The following LRBA variants were observed in gnomAD, a reference collection of about 807,000 sequenced individuals.
The protein encoded by LRBA is lipopolysaccharide-responsive and beige-like anchor protein.
Under a neutral mutation model 330.0 loss-of-function variants are expected in LRBA, and 176 were observed. The observed-to-expected ratio is 0.53, with a 90% CI of 0.47 to 0.60. LRBA has a LOEUF of 0.60. LRBA is among the 20% of genes least tolerant of loss of function. The probability of loss-of-function intolerance (pLI) is 0.00; values close to 1 mark genes in which losing one functional copy is unlikely to be tolerated. For missense variants in LRBA, 3,259 were observed against 3,444.8 expected (o/e 0.95, Z 1.35); for synonymous variants, 1,230 against 1,193.0 (o/e 1.03, Z -0.64).
intron 37 of LRBA, among the ~76,000 whole-genome samples, chr4:150,625,795 C>A (rs566911443): frequency 3.8e-4 from 58 of 151,738 alleles, no homozygotes; most frequent in African/African-American, 1.4e-3. Context: ...CTGCAACCTC[C>A]ACCTCCCGGG....
chr4:150,334,542 G>GCATA (rs991894867), intron 48 of LRBA, among the ~76,000 whole-genome samples: 1 of 151,856 alleles, frequency 6.6e-6, no homozygotes, highest in African/African-American at 2.4e-5. Context: ...TGTGTTATGT[G>GCATA]CATACATACA....
At chr4:150,289,598 A>G (rs1057027622) in intron 53 of LRBA, among the ~76,000 whole-genome samples, 9 of 152,194 alleles carry the variant, frequency 5.9e-5, no homozygotes, top group African/African-American at 2.2e-4. Flanking sequence ...AATGTACATT[A>G]CTGGCCTCTA....
intron 47 of LRBA, among the ~76,000 whole-genome samples, chr4:150,393,512 G>A (rs1228944883): frequency 1.3e-5 from 2 of 150,710 alleles, no homozygotes; most frequent in Non-Finnish European, 3.0e-5. Flanking sequence ...TAGAGACAGG[G>A]TCTCCCTCTG....
chr4:150,786,938 A>G (rs1001492764), intron 34 of LRBA, among the ~76,000 whole-genome samples: 1 of 152,210 alleles, frequency 6.6e-6, no homozygotes, highest in Non-Finnish European at 1.5e-5. Context: ...CTGTTAAAAA[A>G]TACTCAGATT....
At chr4:150,330,441 C>A (rs184605006) in intron 48 of LRBA, among the ~76,000 whole-genome samples, 1 of 152,282 alleles carries the variant, frequency 6.6e-6, no homozygotes, top group African/African-American at 2.4e-5. Context: ...CTATAAGGCA[C>A]TGGTCCCCAA....
chr4:150,398,872 C>G (rs1745102178), intron 47 of LRBA, among the ~76,000 whole-genome samples: 1 of 152,200 alleles, frequency 6.6e-6, no homozygotes, highest in African/African-American at 2.4e-5. Context: ...AAGCAATCCT[C>G]TGCTTTAGCC....
At chr4:150,759,535 T>A (rs1734781016) in intron 35 of LRBA, among the ~76,000 whole-genome samples, 1 of 152,132 alleles carries the variant, frequency 6.6e-6, no homozygotes, top group Admixed American at 6.6e-5. Context: ...ACTTTCTCAA[T>A]GAGTCCTAAT....
intron 2 of LRBA, among the ~76,000 whole-genome samples, chr4:151,006,017 A>G (rs1158757689): frequency 6.6e-6 from 1 of 152,242 alleles, no homozygotes; most frequent in African/African-American, 2.4e-5. Context: ...GGAAATATGC[A>G]TCAAGGTTTT....
chr4:150,870,592 C>G lies in LRBA; in HGVS notation c.2382G>C (p.Gln794His), dbSNP rs1753306039. 5.1e-6 allele frequency: 8 copies of G among 1,556,782 alleles called. No individual in the cohort carries two copies. The highest frequency in any genetic ancestry group is 7.1e-6 in the Non-Finnish European group (8 of 1,128,678). The change falls in exon 20 of 57, where the codon CAG becomes CAC. Residue 794 changes from glutamine to histidine, a missense_variant. Physicochemically the swap from Gln to His is conservative, Grantham distance 24. Coordinates refer to ENST00000651943, the MANE Select transcript of LRBA (RefSeq NM_001364905.1). ...GTTTATGTATCACCTGAGTACCAAT[C>G]TGTTCTATAAGAATCTACAGAAGTA... is the stretch of plus-strand genomic sequence containing the variant. ...YNVLFEILIE[Q>H]IGTQVIHKQH...
chr4:150,536,478 G>C (rs1365871129), intron 40 of LRBA, among the ~76,000 whole-genome samples: 1 of 152,016 alleles, frequency 6.6e-6, no homozygotes, highest in Non-Finnish European at 1.5e-5. Context: ...GTCGATTTTG[G>C]GGCACAAAGG....
intron 37 of LRBA, among the ~76,000 whole-genome samples, chr4:150,667,300 C>T (rs1447483802): frequency 2.0e-5 from 3 of 151,994 alleles, no homozygotes; most frequent in African/African-American, 4.8e-5. Flanking sequence ...CTTCGTTGGG[C>T]ATGTAATCAT....
intron 37 of LRBA, among the ~76,000 whole-genome samples, chr4:150,654,525 T>C (rs1371223526): frequency 3.9e-5 from 6 of 152,130 alleles, no homozygotes; most frequent in Non-Finnish European, 7.4e-5. Context: ...CTCTACCTTG[T>C]CTCTTCTATC....
intron 30 of LRBA, among the ~76,000 whole-genome samples, chr4:150,827,925 A>T (rs986780385): frequency 6.6e-6 from 1 of 151,982 alleles, no homozygotes; most frequent in Non-Finnish European, 1.5e-5. Flanking sequence ...TCTTAATAAC[A>T]TGTTCTTTTT....
intron 53 of LRBA, among the ~76,000 whole-genome samples, chr4:150,293,646 A>C (rs907297821): frequency 2.6e-5 from 4 of 152,204 alleles, no homozygotes; most frequent in Non-Finnish European, 5.9e-5. Flanking sequence ...TTGGTATATA[A>C]CATTTCTCCT....
chr4:150,287,333 C>T (rs2126785272), intron 53 of LRBA, among the ~76,000 whole-genome samples: 1 of 152,312 alleles, frequency 6.6e-6, no homozygotes, highest in African/African-American at 2.4e-5. Flanking sequence ...TCCAGTAGGT[C>T]ACTGGGTTAT....
chr4:150,409,873 C>T (rs1746713556), intron 47 of LRBA, among the ~76,000 whole-genome samples: 1 of 152,020 alleles, frequency 6.6e-6, no homozygotes, highest in South Asian at 2.1e-4. Context: ...TACCTATCTC[C>T]CTACATTCCC....
chr4:150,730,437 C>G (rs1730283525), intron 36 of LRBA, among the ~76,000 whole-genome samples: 1 of 152,158 alleles, frequency 6.6e-6, no homozygotes, highest in Non-Finnish European at 1.5e-5. Flanking sequence ...AATGCCAGAA[C>G]TTTGGGAGGC....
At chr4:150,663,215 T>C (rs1284980939) in intron 37 of LRBA, among the ~76,000 whole-genome samples, 4 of 152,148 alleles carry the variant, frequency 2.6e-5, no homozygotes, top group Non-Finnish European at 5.9e-5. Context: ...TGATTGTCTA[T>C]AGGGAACTAC....
chr4:150,928,851 A>G lies in LRBA; in HGVS notation c.431T>C (p.Val144Ala), dbSNP rs1734156800. The G allele has an allele frequency of 6.2e-7, 1 of 1,613,558 alleles. No individual in the cohort carries two copies. The highest frequency in any genetic ancestry group is 1.7e-5 in the Admixed American group (1 of 59,984). The change falls in exon 3 of 57, where the codon GTT (valine) becomes GCT (alanine). Residue 144 changes from valine (V) to alanine (A), a missense_variant. Transcript: ENST00000651943. ...VEKVLGKIEK[V>A]DNMIADLLVD... The stretch of plus-strand genomic sequence containing the variant: ...AATCATACCTGCTATCATATTGTCA[A>G]CTTTTTCAATTTTCCCAAGCACTTT...
Sources: gnomAD v4.1 joint callset for allele counts (sites outside exome capture counted in the v4.1 genomes callset) on GRCh38, gnomAD v4.1.1 for gene constraint, MANE v1.5 for transcripts, NCBI Gene and HGNC (gene_info 2026-07-23, HGNC 2026-07-21) for gene names.